The following PEX5L variants were observed in gnomAD, a reference collection of about 807,000 sequenced individuals.
PEX5L encodes PEX5-related protein.
In PEX5L, 30 loss-of-function variants were observed where a neutral mutation model predicts 84.0. That is an observed-to-expected ratio of 0.36 (90% CI 0.27 to 0.48). The LOEUF is 0.48. Among genes scored for constraint, PEX5L ranks in the 20% least tolerant of loss-of-function variants. The pLI is 0.99. For synonymous variants in PEX5L, 270 were observed against 283.1 expected (o/e 0.95, Z 0.46); for missense variants, 533 against 754.6 (o/e 0.71, Z 3.44).
intron 1 of PEX5L, among the ~76,000 whole-genome samples, chr3:179,995,725 T>C (rs779309314): frequency 6.6e-6 from 1 of 152,172 alleles, no homozygotes; most frequent in Non-Finnish European, 1.5e-5. Flanking sequence ...CTGAGAGTCT[T>C]ATCTCCTGTA....
chr3:179,858,281 C>G (rs763207339), intron 8 of PEX5L, among the ~76,000 whole-genome samples: 80 of 152,222 alleles, frequency 5.3e-4, no homozygotes, highest in Non-Finnish European at 1.0e-3. Context: ...ACTCAAATAG[C>G]AATCTAGCAA....
chr3:179,810,017 T>C (rs1384044332), intron 11 of PEX5L, among the ~76,000 whole-genome samples: 1 of 133,486 alleles, frequency 7.5e-6, no homozygotes, highest in East Asian at 2.2e-4. Context: ...TTTTTTTTTT[T>C]TTTTTTTTTT....
chr3:179,840,670 G>A (rs1025129224), intron 8 of PEX5L, among the ~76,000 whole-genome samples: 7 of 152,112 alleles, frequency 4.6e-5, no homozygotes, highest in Middle Eastern at 3.2e-3. Context: ...TTTGAGCAGG[G>A]GGGATGATAG....
chr3:179,891,372 G>A (rs1014973943), intron 3 of PEX5L, among the ~76,000 whole-genome samples: 2 of 152,172 alleles, frequency 1.3e-5, no homozygotes, highest in African/African-American at 2.4e-5. Flanking sequence ...TGCTTGGGCT[G>A]AAGTGGGGGA....
At chr3:179,806,555 A>C (rs888002477) in intron 14 of PEX5L, among the ~76,000 whole-genome samples, 2 of 152,252 alleles carry the variant, frequency 1.3e-5, no homozygotes, top group African/African-American at 4.8e-5. Flanking sequence ...GCACCAATGC[A>C]GTTCAGAAGC....
chr3:179,957,823 G>A (rs1445947498), intron 2 of PEX5L, among the ~76,000 whole-genome samples: 1 of 152,160 alleles, frequency 6.6e-6, no homozygotes, highest in Non-Finnish European at 1.5e-5. Context: ...TGCAATACAT[G>A]GTTGTTATTG....
chr3:179,854,450 T>C (rs981226032), intron 8 of PEX5L, among the ~76,000 whole-genome samples: 2 of 152,158 alleles, frequency 1.3e-5, no homozygotes, highest in African/African-American at 4.8e-5. Context: ...CCAATGTTAC[T>C]GGCAAGATTG....
intron 1 of PEX5L, chr3:179,973,039 C>A: frequency 4.8e-6 from 2 of 415,462 alleles, no homozygotes; most frequent in South Asian, 3.3e-5. Context: ...AGCTGACTTC[C>A]TTCCTATCAT....
chr3:179,952,380 T>C (rs1034072123), intron 2 of PEX5L, among the ~76,000 whole-genome samples: 2 of 152,184 alleles, frequency 1.3e-5, no homozygotes, highest in Non-Finnish European at 2.9e-5. Flanking sequence ...GCTAATACTC[T>C]GTACCTGTAG....
chr3:179,836,999 G>A lies in PEX5L; in HGVS notation c.823-17023C>T, dbSNP rs148536419. ...TTTGATTATCTTTGACAGAAATGGG[G>A]GTGACTATAGAGAGAAAAATTATAT... On this transcript the variant is annotated intron_variant, in intron 8 of 14. Transcript: ENST00000467460. 3.0e-3 allele frequency among the ~76,000 whole-genome samples: 460 copies of A among 152,152 alleles called. 1 individual carries two copies. The highest frequency in any genetic ancestry group is 0.01 in the African/African-American group (430 of 41,512).
intron 1 of PEX5L, among the ~76,000 whole-genome samples, chr3:179,986,959 A>C (rs999750508): frequency 6.6e-6 from 1 of 152,182 alleles, no homozygotes; most frequent in South Asian, 2.1e-4. Context: ...CAACTCAAGA[A>C]CTTGAGACAT....
chr3:179,936,744 G>A lies in PEX5L; in HGVS notation c.93+34850C>T, dbSNP rs1395539471. The stretch of plus-strand genomic sequence containing the variant: ...TCACCAAGGAGAAGAGTCAAGCAGA[G>A]CAGGGATTTATGGGGTTCTTGAGCC... On this transcript the variant is annotated intron_variant, in intron 2 of 14. Transcript: ENST00000467460. Among the ~76,000 whole-genome samples the A allele has an allele frequency of 2.5e-4, 26 of 103,882 alleles. 10 individuals are homozygous for A. Among genetic ancestry groups the A allele is most frequent in the Non-Finnish European group, 5.4e-4 (26 of 48,070 alleles). The allele number at this position is 103,882 out of a possible 152,430, so 68.2% of individuals were successfully genotyped here.
chr3:180,019,462 T>C (rs377456110), intron 1 of PEX5L, among the ~76,000 whole-genome samples: 5 of 152,326 alleles, frequency 3.3e-5, no homozygotes, highest in East Asian at 1.9e-4. Context: ...CTCTGGTTTC[T>C]ACTTCTGACT....
At chr3:179,808,526 A>C in intron 12 of PEX5L, 89 bp from the exon 13 acceptor site, 3 of 1,058,094 alleles carry the variant, frequency 2.8e-6, no homozygotes, top group Non-Finnish European at 2.6e-6. Flanking sequence ...TATTTCAAGA[A>C]GTCTCTTCGT....
chr3:179,896,801 C>T (rs1391294060), intron 3 of PEX5L, among the ~76,000 whole-genome samples: 2 of 151,994 alleles, frequency 1.3e-5, no homozygotes, highest in Non-Finnish European at 2.9e-5. Context: ...GGACTGTGGA[C>T]TTAAAATTTT....
intron 1 of PEX5L, chr3:179,973,715 C>T (rs1785341771): frequency 2.0e-6 from 2 of 985,342 alleles, no homozygotes; most frequent in Non-Finnish European, 1.2e-6. Context: ...CAAAGTCCGC[C>T]TCTCCAATCT....
At chr3:179,878,506 G>A (rs1344854780) in intron 5 of PEX5L, among the ~76,000 whole-genome samples, 1 of 152,162 alleles carries the variant, frequency 6.6e-6, no homozygotes, top group Non-Finnish European at 1.5e-5. Context: ...GTGATTTTCA[G>A]TCTTTTTCTC....
At chr3:179,954,784 TA>T (rs1299415898) in intron 2 of PEX5L, among the ~76,000 whole-genome samples, 2 of 147,730 alleles carry the variant, frequency 1.4e-5, no homozygotes, top group Non-Finnish European at 1.5e-5. Flanking sequence ...AGCTTTGTTT[TA>T]TTTTTTTTTT....
At chr3:179,992,991 T>TATAC (rs537237394) in intron 1 of PEX5L, among the ~76,000 whole-genome samples, 73 of 152,094 alleles carry the variant, frequency 4.8e-4, no homozygotes, top group African/African-American at 1.6e-3. Context: ...GTTAAAAGAT[T>TATAC]GTATAATCAT....
Sources: allele counts gnomAD v4.1 joint callset (sites outside exome capture counted in the v4.1 genomes callset), GRCh38; gene constraint gnomAD v4.1.1; transcripts MANE v1.5; gene names NCBI Gene and HGNC (gene_info 2026-07-23, HGNC 2026-07-21).